Variants in CPE observed in about 807,000 individuals in gnomAD.
CPE encodes carboxypeptidase E.
In CPE, 17 loss-of-function variants were observed where a neutral mutation model predicts 53.5. That is an observed-to-expected ratio of 0.32 (90% CI 0.22 to 0.48). The LOEUF is 0.48. CPE is among the 20% of genes least tolerant of loss of function. The pLI is 0.99. For synonymous variants in CPE, 226 were observed against 228.8 expected, an observed-to-expected ratio of 0.99 and a Z score of 0.11; for missense variants, 524 against 614.7, an observed-to-expected ratio of 0.85 and a Z score of 1.56.
Position 165,450,605 on chromosome 4 carries a change from A to C in CPE, c.308-13785A>C, listed in dbSNP as rs116154955. 7.2e-3 allele frequency among the ~76,000 whole-genome samples: 1,098 copies of C among 152,362 alleles called. 18 individuals are homozygous for C. The highest frequency in any genetic ancestry group is 0.024 in the African/African-American group (1,006 of 41,580). ...GCATAATTATTTAATGTATAATTAA[A>C]ATTTAAATATTGAATTTGAAACTGG... On this transcript the variant is annotated intron_variant, in intron 1 of 8. Transcript: ENST00000402744.
In CPE at chr4:165,381,481, C is replaced by T. The variant is rs559240496; in HGVS notation, c.307+1953C>T. Reference sequence around the variant, plus strand: ...TTTTATTCTTCATACATTCAAAATACGTTGATTGAATTCCTCTTACAGAGA... The same window carrying T: ...TTTTATTCTTCATACATTCAAAATATGTTGATTGAATTCCTCTTACAGAGA... On this transcript the variant is annotated intron_variant, in intron 1 of 8. Coordinates refer to ENST00000402744, the MANE Select transcript of CPE (RefSeq NM_001873.4). 8.9e-5 allele frequency: 31 copies of T among 349,122 alleles called. No individual in the cohort carries two copies. The Middle Eastern group carries it at 1.9e-3, about 22-fold the overall frequency. 21.6% of individuals were successfully genotyped at this position (349,122 alleles called of 1,614,324 possible). A position where few individuals can be genotyped will look rare whatever the true frequency, so the allele number is the denominator to read the frequency against.
intron 1 of CPE, among the ~76,000 whole-genome samples, chr4:165,389,744 T>A (rs1730649928): frequency 6.6e-6 from 1 of 152,234 alleles, no homozygotes; most frequent in African/African-American, 2.4e-5. Context: ...ACTAGCATAA[T>A]AAATGAACAA....
chr4:165,406,182 GA>G (rs747157520), intron 1 of CPE: 73 of 707,000 alleles, frequency 1.0e-4, no homozygotes, highest in Non-Finnish European at 1.8e-4. Flanking sequence ...TGAATGGGGA[GA>G]GTTAATTTAA....
chr4:165,438,471 C>CG (rs1372057967), intron 1 of CPE, among the ~76,000 whole-genome samples: 1 of 152,082 alleles, frequency 6.6e-6, no homozygotes, highest in African/African-American at 2.4e-5. Context: ...ACAATTTCCC[C>CG]CTCCATTGGT....
At chr4:165,452,140 C>G (rs546987464) in intron 1 of CPE, among the ~76,000 whole-genome samples, 235 of 152,104 alleles carry the variant, frequency 1.5e-3, no homozygotes, top group Non-Finnish European at 2.6e-3. Flanking sequence ...ATGATAGATA[C>G]TAGAGGTTGG....
chr4:165,390,054 C>T (rs1579239276), intron 1 of CPE, among the ~76,000 whole-genome samples: 1 of 152,150 alleles, frequency 6.6e-6, no homozygotes, highest in Admixed American at 6.6e-5. Flanking sequence ...CTTTGCCAAA[C>T]CATTGACATG....
chr4:165,470,011 G>A (rs902631343), intron 3 of CPE, among the ~76,000 whole-genome samples: 4 of 152,138 alleles, frequency 2.6e-5, no homozygotes, highest in African/African-American at 7.2e-5. Flanking sequence ...CCTACAGGTG[G>A]GGGCTGGTCT....
intron 3 of CPE, among the ~76,000 whole-genome samples, chr4:165,473,998 G>A (rs72703694): frequency 0.099 from 15,051 of 152,280 alleles, 960 homozygotes; most frequent in Non-Finnish European, 0.14. Context: ...TGTGGCAGAG[G>A]GGGCAAGCTG....
intron 1 of CPE, among the ~76,000 whole-genome samples, chr4:165,449,207 T>C (rs1731768744): frequency 6.6e-6 from 1 of 152,254 alleles, no homozygotes; most frequent in Admixed American, 6.5e-5. Context: ...ACTTTTGGCA[T>C]GATTAGCCTA....
At chr4:165,478,902 C>T (rs1322905149) in intron 3 of CPE, among the ~76,000 whole-genome samples, 1 of 152,142 alleles carries the variant, frequency 6.6e-6, no homozygotes, top group Middle Eastern at 3.2e-3. Flanking sequence ...TTTTCTTCTC[C>T]TACCCCAATT....
intron 3 of CPE, among the ~76,000 whole-genome samples, chr4:165,481,016 A>ATATAGATATATATATATATATATATAT (rs1491161430): frequency 9.0e-6 from 1 of 111,040 alleles, no homozygotes; most frequent in African/African-American, 3.4e-5. Context: ...ATATATATAT[A>ATATAGATATATATATATATATATATAT]TTTTTTTTTT....
rs987179385 is a variant in CPE at position 165,401,428 on chromosome 4, A to G, written c.307+21900A>G. Among the ~76,000 whole-genome samples, 6 of 152,350 alleles carry G rather than the reference A, an allele frequency of 3.9e-5. 1 individual carries two copies. The highest frequency in any genetic ancestry group is 3.9e-4 in the Admixed American group (6 of 15,294). On this transcript the variant is annotated intron_variant, in intron 1 of 8. Transcript: ENST00000402744. ...AAGAACTTGAGCATTGGAGTGAGACATAAGGCTGCCAGGTCTGCCGTTTAA... is the reference window on the plus strand; with the variant it reads ...AAGAACTTGAGCATTGGAGTGAGACGTAAGGCTGCCAGGTCTGCCGTTTAA...
intron 1 of CPE, among the ~76,000 whole-genome samples, chr4:165,446,385 A>T (rs1325479880): frequency 6.6e-6 from 1 of 152,268 alleles, no homozygotes; most frequent in Non-Finnish European, 1.5e-5. Flanking sequence ...TAGAAACAAC[A>T]GGCAAAGCAT....
chr4:165,381,248 T>C (rs1232756286), intron 1 of CPE: 1 of 456,148 alleles, frequency 2.2e-6, no homozygotes, highest in African/African-American at 2.0e-5. Flanking sequence ...CTGGAATATA[T>C]AGTTCATCAA....
intron 1 of CPE, among the ~76,000 whole-genome samples, chr4:165,422,903 G>A (rs1731249161): frequency 6.6e-6 from 1 of 151,078 alleles, no homozygotes. Flanking sequence ...CGTGAACTCG[G>A]GAGGCGGAGC....
chr4:165,439,359 G>A (rs1051532559), intron 1 of CPE, among the ~76,000 whole-genome samples: 6 of 152,148 alleles, frequency 3.9e-5, no homozygotes, highest in Non-Finnish European at 7.4e-5. Flanking sequence ...GAAGATGGTG[G>A]GGAGGGGGAA....
chr4:165,497,900 T>G lies in CPE; in HGVS notation c.*290T>G. The G allele has an allele frequency of 5.7e-6, 1 of 174,826 alleles. No homozygotes were observed. The highest frequency in any genetic ancestry group is 1.2e-5 in the Non-Finnish European group (1 of 83,456). 10.8% of individuals were successfully genotyped at this position (174,826 alleles called of 1,614,324 possible). On this transcript the variant is annotated 3_prime_UTR_variant, in exon 9 of 9. Transcript: ENST00000402744. ...AGGCTTAAATGCAATATTCCTGGTATTATTTACAATGCAGAATTTTTTGAG... is the reference window on the plus strand; with the variant it reads ...AGGCTTAAATGCAATATTCCTGGTAGTATTTACAATGCAGAATTTTTTGAG...
chr4:165,488,849 T>TA (rs34280127), intron 6 of CPE, among the ~76,000 whole-genome samples: 7,464 of 146,700 alleles, frequency 0.051, 259 homozygotes, highest in East Asian at 0.16. Context: ...AAGGCTGCTC[T>TA]AAAAAAAAAA....
At position 165,484,285 on chromosome 4, in the gene CPE, T is replaced by C. The variant is rs1180826212; in HGVS notation, c.791-137T>C. The C allele has an allele frequency of 1.0e-5, 8 of 781,088 alleles. No homozygotes were observed. In the African/African-American group the frequency reaches 1.4e-4, roughly 14 times the overall value. The allele number at this position is 781,088 out of a possible 1,614,324, so 48.4% of individuals were successfully genotyped here. ...AGTGTAATTATTTAGTATTTAAATT[T>C]TACCTCTTTCCCATAGTTATGTAGC... On this transcript the variant is annotated intron_variant, in intron 4 of 8. Transcript: ENST00000402744.
Sources: allele counts gnomAD v4.1 joint callset (sites outside exome capture counted in the v4.1 genomes callset), GRCh38; gene constraint gnomAD v4.1.1; transcripts MANE v1.5; gene names NCBI Gene and HGNC (gene_info 2026-07-23, HGNC 2026-07-21).